The following NOTCH1 variants were observed in gnomAD, a reference collection of about 807,000 sequenced individuals.
NOTCH1 encodes notch receptor 1, also known as neurogenic locus notch homolog protein 1.
NOTCH1 carries 37 observed loss-of-function variants against 254.8 expected under a neutral mutation model. That is an observed-to-expected ratio of 0.15 (90% CI 0.11 to 0.19). NOTCH1 has a LOEUF of 0.19. Ranked by LOEUF, NOTCH1 falls within the 10% of genes least tolerant of loss-of-function variation. The pLI is 1.00. For synonymous variants in NOTCH1, 1,731 were observed against 1,618.1 expected (o/e 1.07, Z -1.68); for missense variants, 2,972 against 3,708.6 (o/e 0.80, Z 5.16).
rs1389259731 is a variant in NOTCH1, at chr9:136,523,007, G to A, written c.585C>T (p.Cys195=). The change falls in exon 4 of 34, where the codon TGC becomes TGT. Residue 195 remains cysteine, a synonymous_variant. Coordinates refer to ENST00000651671, the MANE Select transcript of NOTCH1 (RefSeq NM_017617.5). ...AGCGGTAGGAGCCGACCTCGTTGTG[G>A]CAGGTGCCTCCGTGGCGGCAAAGCC... is the stretch of plus-strand genomic sequence containing the variant. ...KPGLCRHGGT[C]HNEVGSYRCV... is the part of the protein sequence containing the mutation. 3 of 1,552,498 alleles carry A rather than the reference G, an allele frequency of 1.9e-6. No individual in the cohort carries two copies. Among genetic ancestry groups the A allele is most frequent in the Admixed American group, 2.0e-5 (1 of 51,228 alleles).
At chr9:136,497,703 C>T (rs1200091093) in intron 33 of NOTCH1, 145 bp from the exon 34 acceptor site, 10 of 651,074 alleles carry the variant, frequency 1.5e-5, no homozygotes, top group African/African-American at 3.7e-5. Flanking sequence ...CCCACCCCAG[C>T]GTCCTGCAAC....
In NOTCH1 at chr9:136,506,033, C is replaced by A; in HGVS notation, c.4015-152G>T. On this transcript the variant is annotated intron_variant, in intron 24 of 33. Coordinates refer to ENST00000651671, the MANE Select transcript of NOTCH1 (RefSeq NM_017617.5). The surrounding 1 kb of genome is among the most constrained non-coding windows in gnomAD (Gnocchi z 4.5). Reference sequence around the variant, plus strand: ...GCCCCCAGCAGCAAAACCCTTTACACACATTCTACCAACAGAGAAAGATCG... The same window carrying A: ...GCCCCCAGCAGCAAAACCCTTTACAAACATTCTACCAACAGAGAAAGATCG... The A allele has an allele frequency of 4.5e-6, 3 of 671,284 alleles. No homozygotes were observed. Among genetic ancestry groups the A allele is most frequent in the East Asian group, 5.5e-5 (2 of 36,206 alleles). The allele number at this position is 671,284 out of a possible 1,614,324, so 41.6% of individuals were successfully genotyped here.
At position 136,517,412 on chromosome 9, in the gene NOTCH1, G is replaced by A. The variant is rs151154823; in HGVS notation, c.1442-27C>T. ...TGTGGGGTGGGGCAACAGTGAGGGGGGCACGCGCGGCCCCAGTGCCCCACT... is the reference window on the plus strand; with the variant it reads ...TGTGGGGTGGGGCAACAGTGAGGGGAGCACGCGCGGCCCCAGTGCCCCACT... On this transcript the variant is annotated intron_variant, in intron 8 of 33. Transcript: ENST00000651671. 5.9e-4 allele frequency: 856 copies of A among 1,457,204 alleles called. 7 individuals are homozygous for A. The African/African-American group carries it at 0.011, about 18-fold the overall frequency. 90.3% of individuals were successfully genotyped at this position (1,457,204 alleles called of 1,614,324 possible).
At position 136,500,666 on chromosome 9, in the gene NOTCH1, G is replaced by C. The variant is rs780935897; in HGVS notation, c.5820C>G (p.Arg1940=). 1.2e-6 allele frequency: 2 copies of C among 1,611,694 alleles called. No individual in the cohort carries two copies. The highest frequency in any genetic ancestry group is 2.2e-5 in the South Asian group (2 of 91,078). Reference sequence around the variant, plus strand: ...CCAGCAGGCGCTTGGCGGCATCAGAGCGTGAGTAGCGGGCGGCCAGGTGCA... The same window carrying C: ...CCAGCAGGCGCTTGGCGGCATCAGACCGTGAGTAGCGGGCGGCCAGGTGCA... The part of the protein sequence containing the change: ...TALHLAARYS[R]SDAAKRLLEA... Residue 1940 remains arginine, a synonymous_variant, in exon 31 of 34, where the codon CGC becomes CGG. Coordinates refer to ENST00000651671, the MANE Select transcript of NOTCH1 (RefSeq NM_017617.5).
intron 6 of NOTCH1, 45 bp downstream of exon 6, chr9:136,518,546 G>T (rs757964064): frequency 1.3e-6 from 2 of 1,542,042 alleles, no homozygotes; most frequent in Non-Finnish European, 8.9e-7. Flanking sequence ...CTCAGGCCTG[G>T]CCCATGTGAG....
Position 136,497,342 on chromosome 9 carries a change from G to C in NOTCH1, c.6397C>G (p.Pro2133Ala). ...GAGCAGAGCGGGGGCGACAGGGTGG[G>C]CGTGCCCCCCAGCGGGGCTCCGTGC... ...QLHGAPLGGTPTLSPPLCSPN... is the reference protein window; with the variant it reads ...QLHGAPLGGTATLSPPLCSPN... Residue 2133 changes from proline (P) to alanine (A), a missense_variant, in exon 34 of 34, where the codon CCC (proline) becomes GCC (alanine). Transcript: ENST00000651671. 6.2e-7 allele frequency: 1 copy of C among 1,606,230 alleles called. No individual in the cohort carries two copies. Among genetic ancestry groups the C allele is most frequent in the Non-Finnish European group, 8.5e-7 (1 of 1,179,272 alleles).
Position 136,540,934 on chromosome 9 carries a change from C to G in NOTCH1, c.140+3090G>C, listed in dbSNP as rs1843724356. 6.6e-6 allele frequency among the ~76,000 whole-genome samples: 1 copy of G among 152,146 alleles called. No individual in the cohort carries two copies. Among genetic ancestry groups the G allele is most frequent in the Admixed American group, 6.5e-5 (1 of 15,284 alleles). ...TTTCAGACCAAGGACGTAGTCTCAC[C>G]CAGACAGATAGGGTCCCTGCAGCTC... On this transcript the variant is annotated intron_variant, in intron 2 of 33. Transcript: ENST00000651671. The surrounding 1 kb of genome is among the most constrained non-coding windows in gnomAD (Gnocchi z 4.4).
intron 2 of NOTCH1, among the ~76,000 whole-genome samples, chr9:136,526,781 G>A (rs1376854684): frequency 2.0e-5 from 3 of 152,242 alleles, no homozygotes; most frequent in Non-Finnish European, 4.4e-5. Flanking sequence ...GGGCCAGCAA[G>A]AGGAAAACAC....
rs1842901131 is a variant in NOTCH1 at position 136,495,431 on chromosome 9, T to C, written c.*640A>G. ...TCACAAGCATGCTTGCAAGAAACCATCTAAAACACATGGCAACATCTAACC... is the reference window on the plus strand; with the variant it reads ...TCACAAGCATGCTTGCAAGAAACCACCTAAAACACATGGCAACATCTAACC... On this transcript the variant is annotated 3_prime_UTR_variant, in exon 34 of 34. Transcript: ENST00000651671. The C allele has an allele frequency of 7.5e-6, 3 of 398,926 alleles. No individual in the cohort carries two copies. Among genetic ancestry groups the C allele is most frequent in the African/African-American group, 2.1e-5 (1 of 48,636 alleles). 24.7% of individuals were successfully genotyped at this position (398,926 alleles called of 1,614,324 possible). A position where few individuals can be genotyped will look rare whatever the true frequency, so the allele number is the denominator to read the frequency against.
At position 136,497,451 on chromosome 9, in the gene NOTCH1, C is replaced by G. The variant is rs763651579; in HGVS notation, c.6288G>C (p.Leu2096=). ...NRDITDHMDR[L]PRDIAQERMH... ...TGCGCTCCTGTGCGATGTCGCGCGG[C>G]AGGCGGTCCATATGATCCGTGATGT... Residue 2096 remains leucine, a synonymous_variant, in exon 34 of 34, where the codon CTG becomes CTC. Coordinates refer to ENST00000651671, the MANE Select transcript of NOTCH1 (RefSeq NM_017617.5). The G allele has an allele frequency of 1.2e-6, 2 of 1,612,442 alleles. No individual in the cohort carries two copies. The highest frequency in any genetic ancestry group is 2.7e-5 in the African/African-American group (2 of 75,060).
rs746945124 is a variant in NOTCH1 at position 136,496,066 on chromosome 9, G to C, written c.*5C>G. On this transcript the variant is annotated 3_prime_UTR_variant, in exon 34 of 34. Transcript: ENST00000651671. ...AGGAAGCCGGGGTCTCGTGGGGCGC[G>C]CCGTTTACTTGAAGGCCTCCGGAAT... 6.3e-7 allele frequency: 1 copy of C among 1,596,862 alleles called. No homozygotes were observed. Among genetic ancestry groups the C allele is most frequent in the Non-Finnish European group, 8.5e-7 (1 of 1,177,612 alleles).
rs1241828536 is a variant in NOTCH1, at chr9:136,495,994, G to A, written c.*77C>T. The A allele has an allele frequency of 3.5e-5, 51 of 1,469,160 alleles. No individual in the cohort carries two copies. Among genetic ancestry groups the A allele is most frequent in the East Asian group, 2.8e-4 (12 of 42,450 alleles). 91.0% of individuals were successfully genotyped at this position (1,469,160 alleles called of 1,614,324 possible). On this transcript the variant is annotated 3_prime_UTR_variant, in exon 34 of 34. Coordinates refer to ENST00000651671, the MANE Select transcript of NOTCH1 (RefSeq NM_017617.5). Reference sequence around the variant, plus strand: ...GTGTTTTAAAAAGGCTCCTCTGGTCGGCCCTGGCATCCACAGAGCGCACAC... The same window carrying A: ...GTGTTTTAAAAAGGCTCCTCTGGTCAGCCCTGGCATCCACAGAGCGCACAC...
rs1260029037 is a variant in NOTCH1 at position 136,505,894 on chromosome 9, G to A, written c.4015-13C>T. On this transcript the variant is annotated splice_polypyrimidine_tract_variant and intron_variant, in intron 24 of 33. Coordinates refer to ENST00000651671, the MANE Select transcript of NOTCH1 (RefSeq NM_017617.5). ...CGCCCTCGAAGCCCTGCCCGAGAGGGAAGACAGGACGGTGTCGGGGTGGGC... is the reference window on the plus strand; with the variant it reads ...CGCCCTCGAAGCCCTGCCCGAGAGGAAAGACAGGACGGTGTCGGGGTGGGC... The A allele has an allele frequency of 6.3e-7, 1 of 1,580,330 alleles. No homozygotes were observed. Among genetic ancestry groups the A allele is most frequent in the Non-Finnish European group, 8.5e-7 (1 of 1,172,454 alleles).
At chr9:136,516,883 T>C (rs957522157) in intron 9 of NOTCH1, among the ~76,000 whole-genome samples, 1 of 152,112 alleles carries the variant, frequency 6.6e-6, no homozygotes, top group Non-Finnish European at 1.5e-5. Context: ...CTCGCTCTCC[T>C]GGGAATCTGA....
At chr9:136,507,747 T>C (rs1411642316) in intron 21 of NOTCH1, among the ~76,000 whole-genome samples, 1 of 152,132 alleles carries the variant, frequency 6.6e-6, no homozygotes. Context: ...CCATCCCACT[T>C]CTCAGTATAG....
chr9:136,502,470 G>A lies in NOTCH1; in HGVS notation c.5186C>T (p.Pro1729Leu). The A allele has an allele frequency of 6.3e-7, 1 of 1,580,474 alleles. No homozygotes were observed. The highest frequency in any genetic ancestry group is 8.6e-7 in the Non-Finnish European group (1 of 1,165,280). ...CATGAAGTGCAGCTGCGCCGGCGGG[G>A]GCGGCTCCACGGTCTCACCTGCGGG... ...EAVQSETVEP[P>L]PPAQLHFMYV... The change falls in exon 28 of 34, where the codon CCC (proline) becomes CTC (leucine). Residue 1729 changes from proline (P) to leucine (L), a missense_variant. Physicochemically the swap from Pro to Leu is moderately conservative, Grantham distance 98. Transcript: ENST00000651671.
intron 17 of NOTCH1, 42 bp from the exon 18 acceptor site, chr9:136,510,003 AC>A (rs1416066961): frequency 1.3e-6 from 2 of 1,567,104 alleles, no homozygotes; most frequent in Admixed American, 3.3e-5. Flanking sequence ...GCAGGCACAA[AC>A]CCACACCTGC....
At chr9:136,531,944 T>C (rs1173793630) in intron 2 of NOTCH1, among the ~76,000 whole-genome samples, 1 of 152,184 alleles carries the variant, frequency 6.6e-6, no homozygotes, top group Non-Finnish European at 1.5e-5. Context: ...GGAATCCTCC[T>C]CTCGGAACAC....
rs377217445 is a variant in NOTCH1 at position 136,506,527 on chromosome 9, C to G, written c.4014G>C (p.Ala1338=). The G allele has an allele frequency of 3.1e-6, 5 of 1,593,012 alleles. No homozygotes were observed. Among genetic ancestry groups the G allele is most frequent in the Non-Finnish European group, 4.3e-6 (5 of 1,171,222 alleles). Residue 1338 remains alanine, a splice_region_variant and synonymous_variant, in exon 24 of 34, where the codon GCG becomes GCC. Transcript: ENST00000651671. The surrounding 1 kb of genome is among the most constrained non-coding windows in gnomAD (Gnocchi z 4.5). ...TGCCTCCCTGCACCCCTGCACCTAC[C>G]GCAGGGCACTTGCAGATGAACCCGC... ...TARGFICKCP[A]GFEGATCEND...
Sources: gnomAD v4.1 joint callset for allele counts (sites outside exome capture counted in the v4.1 genomes callset) on GRCh38, gnomAD v4.1.1 for gene constraint, Gnocchi (gnomAD v3.1) non-coding constraint, MANE v1.5 for transcripts, NCBI Gene and HGNC (gene_info 2026-07-23, HGNC 2026-07-21) for gene names.